The following RFX6 variants were observed in gnomAD, a reference collection of about 807,000 sequenced individuals.
RFX6 encodes the protein DNA-binding protein RFX6.
Under a neutral mutation model 110.8 loss-of-function variants are expected in RFX6, and 50 were observed. The ratio of observed to expected loss-of-function variants is 0.45; its 90% CI spans 0.36 to 0.57. RFX6 has a LOEUF of 0.57. RFX6 is among the 20% of genes least tolerant of loss of function. The probability of loss-of-function intolerance (pLI) is 0.00; values close to 1 mark genes in which losing one functional copy is unlikely to be tolerated. For missense variants in RFX6, 990 were observed against 1,127.0 expected (o/e 0.88, Z 1.74); for synonymous variants, 383 against 411.2 (o/e 0.93, Z 0.83).
At chr6:116,897,112 GA>G (rs1013989387) in intron 6 of RFX6, among the ~76,000 whole-genome samples, 2 of 152,130 alleles carry the variant, frequency 1.3e-5, no homozygotes, top group African/African-American at 4.8e-5. Context: ...TTTTACACAG[GA>G]AGTGATATTA....
intron 4 of RFX6, 82 bp downstream of exon 4, chr6:116,882,510 A>C (rs1774611585): frequency 2.0e-6 from 2 of 980,660 alleles, no homozygotes; most frequent in Admixed American, 1.7e-5. Flanking sequence ...TGTCTTTGTC[A>C]GTACAAAGAG....
intron 16 of RFX6, among the ~76,000 whole-genome samples, chr6:116,926,268 C>T (rs934664629): frequency 4.6e-5 from 7 of 152,206 alleles, no homozygotes; most frequent in Admixed American, 1.3e-4. Context: ...AGCTGGGTGA[C>T]GAGAGTGAAG....
rs547794634 is a variant in RFX6 at position 116,929,836 on chromosome 6, G to C, written c.2611+865G>C. Among the ~76,000 whole-genome samples the C allele has an allele frequency of 3.3e-5, 5 of 152,266 alleles. No homozygotes were observed. In the South Asian group the frequency reaches 1.0e-3, roughly 32 times the overall value. On this transcript the variant is annotated intron_variant, in intron 18 of 18. Coordinates refer to ENST00000332958, the MANE Select transcript of RFX6 (RefSeq NM_173560.4). ...CATTGACACGCAACCAGAGCATAAGGGAAAATGAAATCAATTTCATCTCTC... is the reference window on the plus strand; with the variant it reads ...CATTGACACGCAACCAGAGCATAAGCGAAAATGAAATCAATTTCATCTCTC...
chr6:116,886,602 A>G (rs527924009), intron 4 of RFX6, among the ~76,000 whole-genome samples: 14 of 152,322 alleles, frequency 9.2e-5, no homozygotes, highest in Middle Eastern at 3.4e-3. Context: ...GTTTTGAAAT[A>G]ACTGGCTGTT....
intron 14 of RFX6, 101 bp from the exon 15 acceptor site, chr6:116,924,568 A>T (rs1330933231): frequency 1.9e-6 from 2 of 1,076,348 alleles, no homozygotes; most frequent in African/African-American, 3.1e-5. Context: ...GTGTTGCGAG[A>T]TGGTCACAAA....
chr6:116,904,181 A>G (rs1006443467), intron 6 of RFX6, among the ~76,000 whole-genome samples: 2 of 152,056 alleles, frequency 1.3e-5, no homozygotes, highest in African/African-American at 2.4e-5. Flanking sequence ...TTATTGGTCG[A>G]TTCTTTTCTG....
chr6:116,911,275 G>T (rs1183754222), intron 7 of RFX6, among the ~76,000 whole-genome samples: 1 of 152,110 alleles, frequency 6.6e-6, no homozygotes, highest in Non-Finnish European at 1.5e-5. Flanking sequence ...AACCTTAAAA[G>T]ACTAAACATT....
At chr6:116,924,643 C>G (rs372300534) in intron 14 of RFX6, 26 bp from the exon 15 acceptor site, 2 of 1,600,608 alleles carry the variant, frequency 1.2e-6, no homozygotes, top group African/African-American at 2.7e-5. Flanking sequence ...ACACTGTCCT[C>G]TCCTCATTCT....
At chr6:116,880,807 CTGTT>C (rs1774574170) in intron 3 of RFX6, 140 bp downstream of exon 3, 2 of 893,534 alleles carry the variant, frequency 2.2e-6, no homozygotes, top group African/African-American at 1.7e-5. Context: ...CTTAAGGACT[CTGTT>C]TGGAATTGCT....
At chr6:116,892,001 A>G (rs1220221104) in intron 4 of RFX6, among the ~76,000 whole-genome samples, 2 of 152,170 alleles carry the variant, frequency 1.3e-5, no homozygotes, top group Non-Finnish European at 2.9e-5. Flanking sequence ...TTAACAGACT[A>G]TAATTGTACA....
At chr6:116,885,916 A>T (rs1774690049) in intron 4 of RFX6, among the ~76,000 whole-genome samples, 1 of 152,106 alleles carries the variant, frequency 6.6e-6, no homozygotes, top group Admixed American at 6.5e-5. Context: ...TGTCTCTGTT[A>T]TATATTATCT....
intron 12 of RFX6, among the ~76,000 whole-genome samples, chr6:116,920,838 T>C (rs1775579825): frequency 6.6e-6 from 1 of 152,172 alleles, no homozygotes; most frequent in South Asian, 2.1e-4. Context: ...GAAATGGAAA[T>C]AATCTGAAAA....
chr6:116,930,077 G>A (rs575894223), intron 18 of RFX6, among the ~76,000 whole-genome samples: 1 of 152,252 alleles, frequency 6.6e-6, no homozygotes, highest in East Asian at 1.9e-4. Flanking sequence ...GTTACTATTA[G>A]TTCTGTTTAC....
chr6:116,895,506 C>G (rs1774924964), intron 6 of RFX6, among the ~76,000 whole-genome samples: 1 of 152,110 alleles, frequency 6.6e-6, no homozygotes, highest in Admixed American at 6.6e-5. Flanking sequence ...AAAGTTTCCA[C>G]TTAAATATAA....
chr6:116,906,102 T>C (rs1034045225), intron 6 of RFX6, among the ~76,000 whole-genome samples: 3 of 152,206 alleles, frequency 2.0e-5, no homozygotes, highest in Admixed American at 1.3e-4. Flanking sequence ...ACTTTGTTGA[T>C]AGAACTGTCC....
chr6:116,925,107 A>G (rs1401988713), intron 15 of RFX6, among the ~76,000 whole-genome samples: 1 of 152,240 alleles, frequency 6.6e-6, no homozygotes, highest in African/African-American at 2.4e-5. Flanking sequence ...CATGTGGTAT[A>G]CTACATATGT....
chr6:116,884,243 C>A (rs1003092360), intron 4 of RFX6, among the ~76,000 whole-genome samples: 4 of 152,058 alleles, frequency 2.6e-5, no homozygotes, highest in Non-Finnish European at 5.9e-5. Flanking sequence ...CTTCTCTGCA[C>A]CCTGTGGCAG....
intron 6 of RFX6, among the ~76,000 whole-genome samples, chr6:116,897,450 T>C (rs1429709731): frequency 1.3e-5 from 2 of 152,046 alleles, no homozygotes; most frequent in African/African-American, 4.8e-5. Flanking sequence ...TATCATGTTG[T>C]AGAAAAAATA....
chr6:116,909,406 G>A (rs1775281744), intron 6 of RFX6, among the ~76,000 whole-genome samples: 1 of 151,784 alleles, frequency 6.6e-6, no homozygotes, highest in Non-Finnish European at 1.5e-5. Context: ...TTCCTTTAAG[G>A]ATTAAGTTAT....
Sources: gnomAD v4.1 joint callset for allele counts (sites outside exome capture counted in the v4.1 genomes callset) on GRCh38, gnomAD v4.1.1 for gene constraint, MANE v1.5 for transcripts, NCBI Gene and HGNC (gene_info 2026-07-23, HGNC 2026-07-21) for gene names.